WDR70: variants seen among roughly 807,000 people sequenced by gnomAD.
WDR70 encodes WD repeat domain 70, also known as WD repeat-containing protein 70.
In WDR70, 53 loss-of-function variants were observed where a neutral mutation model predicts 88.6. The ratio of observed to expected loss-of-function variants is 0.60; its 90% CI spans 0.48 to 0.75. The LOEUF is 0.75. Among genes scored for constraint, WDR70 ranks in the 30% least tolerant of loss-of-function variants. The pLI is 0.00. For synonymous variants in WDR70, 280 were observed against 270.0 expected (o/e 1.04, Z -0.36); for missense variants, 610 against 823.2 (o/e 0.74, Z 3.17).
intron 7 of WDR70, among the ~76,000 whole-genome samples, chr5:37,468,971 C>A (rs1739246280): frequency 6.6e-6 from 1 of 152,108 alleles, no homozygotes; most frequent in African/African-American, 2.4e-5. Flanking sequence ...TGGAACTAGT[C>A]CCCCATGGAT....
intron 10 of WDR70, among the ~76,000 whole-genome samples, chr5:37,634,064 T>A (rs1047641498): frequency 2.0e-5 from 3 of 151,508 alleles, no homozygotes; most frequent in Non-Finnish European, 2.9e-5. Flanking sequence ...CTTTGGGAGG[T>A]CTTGGTGAGC....
At chr5:37,426,290 A>C (rs557162870) in intron 5 of WDR70, among the ~76,000 whole-genome samples, 2 of 152,336 alleles carry the variant, frequency 1.3e-5, no homozygotes, top group South Asian at 4.1e-4. Context: ...TTTAATGACA[A>C]AGTGTAATTA....
chr5:37,415,398 G>T (rs1255488330), intron 5 of WDR70, among the ~76,000 whole-genome samples: 4 of 106,940 alleles, frequency 3.7e-5, no homozygotes, highest in East Asian at 2.9e-4. Context: ...GGGGCGGCTG[G>T]CCGGGCGGGG....
At chr5:37,423,516 C>T (rs1750014420) in intron 5 of WDR70, among the ~76,000 whole-genome samples, 2 of 149,898 alleles carry the variant, frequency 1.3e-5, no homozygotes, top group Non-Finnish European at 3.0e-5. Flanking sequence ...TAAATTGAAA[C>T]ACTGATTTGC....
chr5:37,524,594 T>A (rs1401102643), intron 9 of WDR70, among the ~76,000 whole-genome samples: 1 of 152,160 alleles, frequency 6.6e-6, no homozygotes, highest in Non-Finnish European at 1.5e-5. Context: ...AATAACCAGC[T>A]AACATCATAA....
chr5:37,583,420 CAAA>C (rs142442041), intron 9 of WDR70, among the ~76,000 whole-genome samples: 5 of 59,248 alleles, frequency 8.4e-5, no homozygotes, highest in Admixed American at 4.2e-4. Flanking sequence ...GACTCTGTCT[CAAA>C]AAAAAAAAAA....
chr5:37,538,105 C>A (rs1741713968), intron 9 of WDR70, among the ~76,000 whole-genome samples: 2 of 152,084 alleles, frequency 1.3e-5, no homozygotes, highest in Non-Finnish European at 1.5e-5. Flanking sequence ...TTTATAAACT[C>A]CTCACTCCCT....
At chr5:37,722,308 A>G (rs922758686) in intron 14 of WDR70, 1 of 152,450 alleles carries the variant, frequency 6.6e-6, no homozygotes, top group African/African-American at 2.4e-5. Context: ...CTTGAAAAGG[A>G]TAACTCTGTA....
At chr5:37,468,923 CA>C (rs1192825678) in intron 7 of WDR70, among the ~76,000 whole-genome samples, 21 of 152,148 alleles carry the variant, frequency 1.4e-4, no homozygotes, top group African/African-American at 4.8e-4. Flanking sequence ...CATTTTATAT[CA>C]GGGACTTGAG....
chr5:37,504,970 A>G (rs1740516514), intron 8 of WDR70, among the ~76,000 whole-genome samples: 1 of 152,172 alleles, frequency 6.6e-6, no homozygotes, highest in Non-Finnish European at 1.5e-5. Context: ...TTGGGCTGAA[A>G]TTTGTTTTAA....
intron 10 of WDR70, among the ~76,000 whole-genome samples, chr5:37,635,793 A>G (rs998745502): frequency 6.6e-6 from 1 of 152,126 alleles, no homozygotes; most frequent in African/African-American, 2.4e-5. Context: ...CTCATCTTGA[A>G]TTGTAGTTCA....
intron 5 of WDR70, among the ~76,000 whole-genome samples, chr5:37,412,125 G>T (rs1749544869): frequency 1.3e-5 from 2 of 152,092 alleles, no homozygotes; most frequent in Admixed American, 1.3e-4. Flanking sequence ...TATGGCACAT[G>T]TCTGTAATCC....
intron 10 of WDR70, among the ~76,000 whole-genome samples, chr5:37,665,332 T>A (rs1447702310): frequency 1.3e-5 from 2 of 152,244 alleles, no homozygotes; most frequent in Non-Finnish European, 2.9e-5. Context: ...CTTACAGAAC[T>A]GCTCTGCATC....
chr5:37,526,834 G>A (rs1741293521), intron 9 of WDR70, among the ~76,000 whole-genome samples: 1 of 151,974 alleles, frequency 6.6e-6, no homozygotes. Flanking sequence ...TTCTTATACA[G>A]CAATAACAGA....
intron 9 of WDR70, among the ~76,000 whole-genome samples, chr5:37,593,704 A>G (rs925047237): frequency 6.6e-6 from 1 of 152,238 alleles, no homozygotes; most frequent in Admixed American, 6.5e-5. Flanking sequence ...TTCTAGTTCT[A>G]GATCCTTGAG....
At chr5:37,582,235 G>A (rs561398038) in intron 9 of WDR70, among the ~76,000 whole-genome samples, 1 of 152,212 alleles carries the variant, frequency 6.6e-6, no homozygotes, top group East Asian at 1.9e-4. Context: ...GAGTTGTGCT[G>A]TCCATTGCAT....
intron 5 of WDR70, among the ~76,000 whole-genome samples, chr5:37,413,190 A>C (rs1213053716): frequency 6.6e-6 from 1 of 152,182 alleles, no homozygotes; most frequent in Non-Finnish European, 1.5e-5. Flanking sequence ...CTAATGTGTG[A>C]AAATGGGCAC....
Position 37,539,976 on chromosome 5 carries a change from A to C in WDR70, c.917+23386A>C, listed in dbSNP as rs373405539. On this transcript the variant is annotated intron_variant, in intron 9 of 17. Coordinates refer to ENST00000265107, the MANE Select transcript of WDR70 (RefSeq NM_018034.4). ...CATTCTTGGAGATTTCAGTTGAAAA[A>C]AGTTTGTGACTTTTGATCTACTCAG... Among the ~76,000 whole-genome samples, 382 of 152,330 alleles carry C rather than the reference A, an allele frequency of 2.5e-3. 4 individuals are homozygous for C. Among genetic ancestry groups the C allele is most frequent in the African/African-American group, 8.5e-3 (352 of 41,562 alleles).
intron 9 of WDR70, among the ~76,000 whole-genome samples, chr5:37,561,121 T>C (rs1390580431): frequency 1.3e-5 from 2 of 152,204 alleles, no homozygotes; most frequent in East Asian, 3.8e-4. Flanking sequence ...CTATACATAC[T>C]GTCAGGGGAA....
Sources: gnomAD v4.1 joint callset for allele counts (sites outside exome capture counted in the v4.1 genomes callset) on GRCh38, gnomAD v4.1.1 for gene constraint, MANE v1.5 for transcripts, NCBI Gene and HGNC (gene_info 2026-07-23, HGNC 2026-07-21) for gene names.